ADCY5: variants seen among roughly 807,000 people sequenced by gnomAD.
ADCY5 encodes the protein adenylate cyclase type 5.
ADCY5 carries 30 observed loss-of-function variants against 119.7 expected under a neutral mutation model. That is an observed-to-expected ratio of 0.25 (90% CI 0.19 to 0.34). The LOEUF (loss-of-function observed/expected upper bound fraction) is 0.34, where lower values mean the gene tolerates loss of function less well. ADCY5 is among the 10% of genes least tolerant of loss of function. The probability of loss-of-function intolerance (pLI) is 1.00; values close to 1 mark genes in which losing one functional copy is unlikely to be tolerated. For missense variants in ADCY5, 1,324 were observed against 1,775.2 expected, an observed-to-expected ratio of 0.75 and a Z score of 4.57; for synonymous variants, 753 against 762.2, an observed-to-expected ratio of 0.99 and a Z score of 0.20.
chr3:123,357,242 TA>T (rs200981510), intron 1 of ADCY5, among the ~76,000 whole-genome samples: 244 of 144,018 alleles, frequency 1.7e-3, no homozygotes, highest in African/African-American at 3.4e-3. Flanking sequence ...TACCTTAATT[TA>T]AAAAAAAAAA....
intron 1 of ADCY5, among the ~76,000 whole-genome samples, chr3:123,364,201 T>C (rs1489883669): frequency 6.6e-6 from 1 of 152,174 alleles, no homozygotes; most frequent in Non-Finnish European, 1.5e-5. Context: ...TTGTACATAT[T>C]ACTCTAAAAA....
intron 12 of ADCY5, among the ~76,000 whole-genome samples, chr3:123,311,872 C>T (rs1017635300): frequency 2.6e-5 from 4 of 152,108 alleles, no homozygotes; most frequent in African/African-American, 9.7e-5. Flanking sequence ...GGAAACAGGC[C>T]TCTGCAGCAC....
At chr3:123,412,034 CAGG>C (rs1378917309) in intron 1 of ADCY5, among the ~76,000 whole-genome samples, 6 of 152,242 alleles carry the variant, frequency 3.9e-5, no homozygotes, top group African/African-American at 1.4e-4. Context: ...TGCCGGCATC[CAGG>C]AGCTCAGGAT....
chr3:123,381,040 G>T (rs1041580981), intron 1 of ADCY5, among the ~76,000 whole-genome samples: 2 of 152,162 alleles, frequency 1.3e-5, no homozygotes, highest in African/African-American at 4.8e-5. Context: ...TGTATCATGG[G>T]GATAACAGTG....
chr3:123,396,877 G>A (rs779732754), intron 1 of ADCY5, among the ~76,000 whole-genome samples: 4 of 145,394 alleles, frequency 2.8e-5, no homozygotes, highest in African/African-American at 7.5e-5. Flanking sequence ...AGTGGATCAC[G>A]GGCCCTGCTT....
intron 1 of ADCY5, among the ~76,000 whole-genome samples, chr3:123,376,417 C>T (rs1439165186): frequency 9.3e-6 from 1 of 107,590 alleles, no homozygotes; most frequent in Non-Finnish European, 2.0e-5. Flanking sequence ...TAAGAGAAAT[C>T]AAAATTTCTT....
chr3:123,365,828 G>A (rs1183797234), intron 1 of ADCY5, among the ~76,000 whole-genome samples: 1 of 152,092 alleles, frequency 6.6e-6, no homozygotes, highest in Non-Finnish European at 1.5e-5. Context: ...GACAGCGAGT[G>A]GGTCACAGCT....
At chr3:123,403,479 T>C (rs1028442207) in intron 1 of ADCY5, among the ~76,000 whole-genome samples, 1 of 151,934 alleles carries the variant, frequency 6.6e-6, no homozygotes, top group African/African-American at 2.4e-5. Flanking sequence ...CGGCCTGTGT[T>C]GCCTGGGCCT....
chr3:123,301,838 T>C (rs901089885), intron 14 of ADCY5, among the ~76,000 whole-genome samples: 7 of 138,718 alleles, frequency 5.0e-5, no homozygotes, highest in African/African-American at 1.9e-4. Flanking sequence ...CTAGGGAGGC[T>C]GGGGAGGGGA....
rs142202638 is a variant in ADCY5 at position 123,336,456 on chromosome 3, C to T, written c.1407-3781G>A. On this transcript the variant is annotated intron_variant, in intron 3 of 20. Coordinates refer to ENST00000462833, the MANE Select transcript of ADCY5 (RefSeq NM_183357.3). ...TCAAACACAAAGCTGGCAGGCAGCACGACCAGTGGCTGGTCCACCCCGAGC... is the reference window on the plus strand; with the variant it reads ...TCAAACACAAAGCTGGCAGGCAGCATGACCAGTGGCTGGTCCACCCCGAGC... Among the ~76,000 whole-genome samples the T allele has an allele frequency of 7.9e-5, 12 of 152,342 alleles. No homozygotes were observed. The East Asian group carries it at 1.5e-3, about 20-fold the overall frequency.
chr3:123,314,754 G>A (rs1044158849), intron 11 of ADCY5, among the ~76,000 whole-genome samples: 6 of 152,188 alleles, frequency 3.9e-5, no homozygotes, highest in Non-Finnish European at 8.8e-5. Flanking sequence ...AAATAACTGT[G>A]AAGGCTGAAA....
chr3:123,371,299 A>G (rs1363502916), intron 1 of ADCY5, among the ~76,000 whole-genome samples: 2 of 152,250 alleles, frequency 1.3e-5, no homozygotes, highest in African/African-American at 2.4e-5. Flanking sequence ...GGATGATACT[A>G]TCTACTTCTC....
At chr3:123,297,155 A>T in intron 16 of ADCY5, 198 bp downstream of exon 16, 1 of 1,383,648 alleles carries the variant, frequency 7.2e-7, no homozygotes, top group Non-Finnish European at 1.0e-6. Flanking sequence ...CTTGGCAGGG[A>T]TCATGAAAGT....
intron 14 of ADCY5, 55 bp downstream of exon 14, chr3:123,303,000 G>C (rs1005262819): frequency 1.3e-6 from 2 of 1,587,168 alleles, no homozygotes; most frequent in African/African-American, 2.7e-5. Context: ...CAGTGACAGT[G>C]GGGGAGGGCA....
At chr3:123,330,771 C>A (rs1050190590) in intron 5 of ADCY5, 118 bp downstream of exon 5, 2 of 1,364,462 alleles carry the variant, frequency 1.5e-6, no homozygotes, top group African/African-American at 1.5e-5. Flanking sequence ...CACCTTTTGG[C>A]AGACAGTTTC....
At chr3:123,317,992 G>A in intron 11 of ADCY5, 28 bp downstream of exon 11, 4 of 1,593,090 alleles carry the variant, frequency 2.5e-6, no homozygotes, top group Non-Finnish European at 3.4e-6. Context: ...GCCAGAGGAA[G>A]GAGCCCAAGA....
intron 1 of ADCY5, among the ~76,000 whole-genome samples, chr3:123,354,652 G>T (rs938360511): frequency 1.3e-5 from 2 of 152,040 alleles, no homozygotes; most frequent in Non-Finnish European, 2.9e-5. Context: ...AGAGAGGAAG[G>T]TTCTCAGTGA....
intron 1 of ADCY5, among the ~76,000 whole-genome samples, chr3:123,412,615 G>A (rs541352907): frequency 1.3e-5 from 2 of 152,286 alleles, no homozygotes; most frequent in Non-Finnish European, 2.9e-5. Flanking sequence ...GGAGCTGGGA[G>A]TCGGGGTTAA....
At chr3:123,378,552 A>T (rs1045579759) in intron 1 of ADCY5, among the ~76,000 whole-genome samples, 7 of 152,158 alleles carry the variant, frequency 4.6e-5, no homozygotes, top group Non-Finnish European at 8.8e-5. Context: ...CTCCCACCTT[A>T]GTGCTCTGAC....
Sources: gnomAD v4.1 joint callset for allele counts (sites outside exome capture counted in the v4.1 genomes callset) on GRCh38, gnomAD v4.1.1 for gene constraint, MANE v1.5 for transcripts, NCBI Gene and HGNC (gene_info 2026-07-23, HGNC 2026-07-21) for gene names.